Variants in RTBDN observed in about 807,000 individuals in gnomAD.
RTBDN encodes retbindin.
A neutral mutation model predicts 21.9 loss-of-function variants in RTBDN; 24 were observed. The observed-to-expected ratio is 1.10, with a 90% CI of 0.79 to 1.54. RTBDN has a LOEUF of 1.54. RTBDN is among the 40% of genes most tolerant of loss of function. The pLI, the probability that RTBDN is intolerant of heterozygous loss-of-function variation, is 0.00. For synonymous variants in RTBDN, 141 were observed against 125.9 expected (o/e 1.12, Z -0.80); for missense variants, 325 against 315.2 (o/e 1.03, Z -0.23).
At chr19:12,833,736 C>T (rs1212855553) in intron 1 of RTBDN, among the ~76,000 whole-genome samples, 2 of 148,336 alleles carry the variant, frequency 1.3e-5, no homozygotes, top group Non-Finnish European at 3.0e-5. Flanking sequence ...CCGCCCCTTC[C>T]CCCCGCCAGC....
At chr19:12,833,284 T>C (rs1365786921) in intron 1 of RTBDN, among the ~76,000 whole-genome samples, 3 of 152,064 alleles carry the variant, frequency 2.0e-5, no homozygotes, top group Non-Finnish European at 4.4e-5. Context: ...GCTGTAGAGG[T>C]CTCGTGGGTG....
chr19:12,827,320 A>AT (rs34634301), intron 4 of RTBDN, among the ~76,000 whole-genome samples: 30,822 of 120,284 alleles, frequency 0.26, 4,721 homozygotes, highest in East Asian at 0.48. Flanking sequence ...TGTCCGATTA[A>AT]TTTTTTTTTT....
Position 12,826,835 on chromosome 19 carries a change from C to T in RTBDN, c.402G>A (p.Pro134=), listed in dbSNP as rs1190691180. ...TTTTTTCTGAGAGTGGGAGCCAAGT[C>T]GGGCCGCAGGTGATATCATCTTCGC... ...ANCEDDITCG[P]TWLPLSEKRG... The change falls in exon 5 of 6, where the codon CCG becomes CCA. Residue 134 remains proline (P), a synonymous_variant. Transcript: ENST00000674343. The T allele has an allele frequency of 7.1e-6, 11 of 1,554,286 alleles. No homozygotes were observed. The highest frequency in any genetic ancestry group is 3.6e-5 in the South Asian group (3 of 84,196).
rs1031119476 is a variant in RTBDN at position 12,830,593 on chromosome 19, C to T, written c.-18-596G>A. On this transcript the variant is annotated intron_variant, in intron 1 of 5. Transcript: ENST00000674343. The surrounding 1 kb of genome is among the most constrained non-coding windows in gnomAD (Gnocchi z 4.2). ...GACAAGACTGTCCCCTTCCCGCCTCCCCGCATTCAGCCCCTCACCTGTTGG... is the reference window on the plus strand; with the variant it reads ...GACAAGACTGTCCCCTTCCCGCCTCTCCGCATTCAGCCCCTCACCTGTTGG... 1.3e-5 allele frequency: 13 copies of T among 985,478 alleles called. No homozygotes were observed. The East Asian group carries it at 5.7e-4, about 43-fold the overall frequency. 61.0% of individuals were successfully genotyped at this position (985,478 alleles called of 1,614,324 possible). A position where few individuals can be genotyped will look rare whatever the true frequency, so the allele number is the denominator to read the frequency against.
intron 1 of RTBDN, among the ~76,000 whole-genome samples, chr19:12,833,781 C>T (rs1393687573): frequency 2.8e-5 from 4 of 143,236 alleles, no homozygotes; most frequent in Non-Finnish European, 6.1e-5. Flanking sequence ...GCTCGGGCGC[C>T]CAGACGCAGT....
intron 5 of RTBDN, 49 bp downstream of exon 5, chr19:12,826,726 G>A: frequency 9.2e-7 from 1 of 1,084,566 alleles, no homozygotes; most frequent in Non-Finnish European, 1.4e-6. Context: ...TAAATAACTT[G>A]GTGGGGAGGA....
rs745638490 is a variant in RTBDN, at chr19:12,828,765, C to A, written c.257G>T (p.Cys86Phe). The A allele has an allele frequency of 6.2e-7, 1 of 1,614,192 alleles. No homozygotes were observed. The highest frequency in any genetic ancestry group is 1.1e-5 in the South Asian group (1 of 91,084). ...TTGGAGGTGTTCCAGGAAGGATTCG[C>A]ATCTGGACGTTGGGAGAGATAGGGT... is the stretch of plus-strand genomic sequence containing the variant. The part of the protein sequence containing the change: ...PERCGVPSPE[C>F]ESFLEHLQRA... The change falls in exon 4 of 6, where the codon TGC becomes TTC. Residue 86 changes from cysteine to phenylalanine, a missense_variant and splice_region_variant. Physicochemically the swap from Cys to Phe is radical, Grantham distance 205. Transcript: ENST00000674343.
chr19:12,835,251 G>T, upstream of RTBDN: 2 of 713,044 alleles, frequency 2.8e-6, no homozygotes, highest in South Asian at 1.6e-5. Context: ...AAACTAATTT[G>T]CTTTCAGAGC....
At chr19:12,826,058 G>A in intron 5 of RTBDN, 125 bp from the exon 6 acceptor site, 1 of 1,424,236 alleles carries the variant, frequency 7.0e-7, no homozygotes, top group East Asian at 2.6e-5. Flanking sequence ...GTGCGGCCTG[G>A]GAGTCTATGT....
Position 12,830,111 on chromosome 19 carries a change from A to T in RTBDN, c.-18-114T>A. On this transcript the variant is annotated intron_variant, in intron 1 of 5. Transcript: ENST00000674343. This position sits in a 1 kb window ranked among gnomAD's most constrained non-coding sequence, Gnocchi z 4.2. Reference sequence around the variant, plus strand: ...CAGAGTAGGGAAAGTGCAGCTGAGGAGGAGGCTGGGGCAGTGGCCAAGGAC... The same window carrying T: ...CAGAGTAGGGAAAGTGCAGCTGAGGTGGAGGCTGGGGCAGTGGCCAAGGAC... The T allele has an allele frequency of 7.4e-7, 1 of 1,358,962 alleles. No homozygotes were observed. The highest frequency in any genetic ancestry group is 1.4e-5 in the African/African-American group (1 of 69,182). 84.2% of individuals were successfully genotyped at this position (1,358,962 alleles called of 1,614,324 possible). A position where few individuals can be genotyped will look rare whatever the true frequency, so the allele number is the denominator to read the frequency against.
Position 12,830,092 on chromosome 19 carries a change from A to G in RTBDN, c.-18-95T>C. On this transcript the variant is annotated intron_variant, in intron 1 of 5. Coordinates refer to ENST00000674343, the MANE Select transcript of RTBDN (RefSeq NM_001270441.2). This position sits in a 1 kb window ranked among gnomAD's most constrained non-coding sequence, Gnocchi z 4.2. ...CCCAAGAAGCAGTGCCAGGCAGAGT[A>G]GGGAAAGTGCAGCTGAGGAGGAGGC... 7.0e-7 allele frequency: 1 copy of G among 1,427,386 alleles called. No individual in the cohort carries two copies. Among genetic ancestry groups the G allele is most frequent in the Non-Finnish European group, 9.5e-7 (1 of 1,052,782 alleles). 88.4% of individuals were successfully genotyped at this position (1,427,386 alleles called of 1,614,324 possible).
Position 12,830,687 on chromosome 19 carries a change from G to T in RTBDN, c.-18-690C>A, listed in dbSNP as rs1253897886. ...TCCAGGAAACTGGCTGCTGAAAGGGGCGTGGCTTAATGCAGGGGCGGGACC... is the reference window on the plus strand; with the variant it reads ...TCCAGGAAACTGGCTGCTGAAAGGGTCGTGGCTTAATGCAGGGGCGGGACC... On this transcript the variant is annotated intron_variant, in intron 1 of 5. Coordinates refer to ENST00000674343, the MANE Select transcript of RTBDN (RefSeq NM_001270441.2). The surrounding 1 kb of genome is among the most constrained non-coding windows in gnomAD (Gnocchi z 4.2). 6.1e-6 allele frequency: 6 copies of T among 985,496 alleles called. No homozygotes were observed. Among genetic ancestry groups the T allele is most frequent in the Non-Finnish European group, 7.2e-6 (6 of 830,078 alleles). The allele number at this position is 985,496 out of a possible 1,614,324, so 61.0% of individuals were successfully genotyped here.
rs571326464 is a variant in RTBDN at position 12,830,836 on chromosome 19, G to C, written c.-18-839C>G. Among the ~76,000 whole-genome samples, 1 of 133,834 alleles carries C rather than the reference G, an allele frequency of 7.5e-6. No individual in the cohort carries two copies. Among genetic ancestry groups the C allele is most frequent in the South Asian group, 2.7e-4 (1 of 3,696 alleles). 87.8% of individuals were successfully genotyped at this position (133,834 alleles called of 152,430 possible). A position where few individuals can be genotyped will look rare whatever the true frequency, so the allele number is the denominator to read the frequency against. On this transcript the variant is annotated intron_variant, in intron 1 of 5. Coordinates refer to ENST00000674343, the MANE Select transcript of RTBDN (RefSeq NM_001270441.2). This position sits in a 1 kb window ranked among gnomAD's most constrained non-coding sequence, Gnocchi z 4.2. ...TTAAGCTCTGTATCTATATATGTGGGGAGTGTGTGTGTGTGTGTGTGTGTG... is the reference window on the plus strand; with the variant it reads ...TTAAGCTCTGTATCTATATATGTGGCGAGTGTGTGTGTGTGTGTGTGTGTG...
rs1263116552 is a variant in RTBDN at position 12,825,720 on chromosome 19, C to G, written c.676G>C (p.Gly226Arg). ...AAGSGSGSGS[G>R]SGP ...CCACGCGTCCGCTAGGGGCCGCTGC[C>G]GCTTCCACTGCCACTCCCGCTGCCC... The change falls in exon 6 of 6, where the codon GGC becomes CGC. Residue 226 changes from glycine to arginine, a missense_variant. By Grantham distance (125) the Gly-to-Arg change is moderately radical (BLOSUM62 -2). Coordinates refer to ENST00000674343, the MANE Select transcript of RTBDN (RefSeq NM_001270441.2). 6.3e-7 allele frequency: 1 copy of G among 1,580,122 alleles called. No individual in the cohort carries two copies. Among genetic ancestry groups the G allele is most frequent in the Non-Finnish European group, 8.6e-7 (1 of 1,164,734 alleles).
At chr19:12,834,928 G>A (rs1440833617), upstream of RTBDN, 9 of 1,556,218 alleles carry the variant, frequency 5.8e-6, no homozygotes, top group Admixed American at 1.3e-4. The surrounding 1 kb of genome is among the most constrained non-coding windows in gnomAD (Gnocchi z 4.7). Flanking sequence ...TGATATCTGT[G>A]CCCCAAGGCC....
Position 12,830,064 on chromosome 19 carries a change from A to G in RTBDN, c.-18-67T>C. On this transcript the variant is annotated intron_variant, in intron 1 of 5. Coordinates refer to ENST00000674343, the MANE Select transcript of RTBDN (RefSeq NM_001270441.2). The surrounding 1 kb of genome is among the most constrained non-coding windows in gnomAD (Gnocchi z 4.2). ...GCTTAGGGTGGCACCCACCCAGTGC[A>G]TACCCAAGAAGCAGTGCCAGGCAGA... 6.6e-7 allele frequency: 1 copy of G among 1,523,588 alleles called. No individual in the cohort carries two copies. 94.4% of individuals were successfully genotyped at this position (1,523,588 alleles called of 1,614,324 possible).
intron 2 of RTBDN, 148 bp downstream of exon 2, chr19:12,829,663 T>A: frequency 1.3e-6 from 1 of 773,596 alleles, no homozygotes; most frequent in Non-Finnish European, 2.0e-6. Context: ...GGCAGTCTAA[T>A]TCTTATCCAC....
At chr19:12,835,156 T>G, upstream of RTBDN, 1 of 1,568,906 alleles carries the variant, frequency 6.4e-7, no homozygotes, top group Non-Finnish European at 8.8e-7. Flanking sequence ...AGCTGATTGG[T>G]CAGTGCAGCA....
intron 1 of RTBDN, among the ~76,000 whole-genome samples, chr19:12,833,625 T>C (rs1362309234): frequency 6.6e-6 from 1 of 152,070 alleles, no homozygotes; most frequent in Non-Finnish European, 1.5e-5. Flanking sequence ...TGACTGAGGG[T>C]TCTACCCCTG....
Sources: gnomAD v4.1 joint callset for allele counts (sites outside exome capture counted in the v4.1 genomes callset) on GRCh38, gnomAD v4.1.1 for gene constraint, Gnocchi (gnomAD v3.1) non-coding constraint, MANE v1.5 for transcripts, NCBI Gene and HGNC (gene_info 2026-07-23, HGNC 2026-07-21) for gene names.